PCDHGA11: variants seen among roughly 807,000 people sequenced by gnomAD.
PCDHGA11 encodes the protein protocadherin gamma-A11.
A neutral mutation model predicts 60.4 loss-of-function variants in PCDHGA11; 39 were observed. The observed-to-expected ratio is 0.65, with a 90% CI of 0.50 to 0.84. The LOEUF is 0.84. PCDHGA11 is among the 40% of genes least tolerant of loss of function. The pLI is 0.00. For missense variants in PCDHGA11, 1,165 were observed against 1,197.7 expected (o/e 0.97, Z 0.40); for synonymous variants, 533 against 510.3 (o/e 1.04, Z -0.60).
At chr5:141,484,876 A>C in intron 1 of PCDHGA11, 1 of 315,240 alleles carries the variant, frequency 3.2e-6, no homozygotes, top group Non-Finnish European at 5.8e-6. Flanking sequence ...CGTGGAGGAT[A>C]GGGTGGGCTT....
At position 141,421,681 on chromosome 5, in the gene PCDHGA11, C is replaced by T. The variant is rs750692137; in HGVS notation, c.454C>T (p.Arg152Ter). 4 of 1,613,858 alleles carry T rather than the reference C, an allele frequency of 2.5e-6. No homozygotes were observed. In the South Asian group the frequency reaches 4.4e-5, roughly 18 times the overall value. Reference sequence around the variant, plus strand: ...CAGTGAGCACGCAATTCCTGGGGCGCGATTTGCTCTTCCTAATGCTAGGGA... The same window carrying T: ...CAGTGAGCACGCAATTCCTGGGGCGTGATTTGCTCTTCCTAATGCTAGGGA... Reference protein sequence around the residue: ...KVSEHAIPGARFALPNARDPD... With the variant: ...KVSEHAIPGA The change falls in exon 1 of 4, where the codon CGA becomes TGA. Residue 152 changes from arginine to a stop codon, truncating the protein, a stop_gained. Coordinates refer to ENST00000398587, the MANE Select transcript of PCDHGA11 (RefSeq NM_018914.3). LOFTEE classifies it high-confidence loss of function.
intron 1 of PCDHGA11, chr5:141,426,906 C>T (rs2096969568): frequency 4.4e-6 from 2 of 456,654 alleles, no homozygotes; most frequent in Admixed American, 2.3e-5. Context: ...CTCTCATCTC[C>T]TGGTCCTGGA....
chr5:141,505,190 G>A (rs1326515866), intron 2 of PCDHGA11, among the ~76,000 whole-genome samples: 1 of 152,186 alleles, frequency 6.6e-6, no homozygotes, highest in East Asian at 1.9e-4. Flanking sequence ...ATCGGAGGCA[G>A]CAAAGAGCTG....
chr5:141,506,870 G>A (rs2099856877), intron 3 of PCDHGA11, among the ~76,000 whole-genome samples: 1 of 152,166 alleles, frequency 6.6e-6, no homozygotes, highest in East Asian at 1.9e-4. Flanking sequence ...GGTGGGTAGA[G>A]AACCAGGTGA....
In PCDHGA11 at chr5:141,472,878, C is replaced by T. The variant is rs774209715; in HGVS notation, c.2434-21929C>T. ...GCACATGCCTGTATTCCCAGCTACT[C>T]GGGAGGCTGAGGCAGGAGAATTGCT... On this transcript the variant is annotated intron_variant, in intron 1 of 3. Transcript: ENST00000398587. 6.8e-5 allele frequency among the ~76,000 whole-genome samples: 10 copies of T among 146,132 alleles called. 1 individual carries two copies. The highest frequency in any genetic ancestry group is 4.2e-4 in the East Asian group (2 of 4,758).
In PCDHGA11 at chr5:141,432,002, G is replaced by T; in HGVS notation, c.2433+8342G>T. The T allele has an allele frequency of 6.2e-7, 1 of 1,614,186 alleles. No homozygotes were observed. The highest frequency in any genetic ancestry group is 1.1e-5 in the South Asian group (1 of 91,090). ...AGACATAGTCTTGGATAGGGAACAGGTTCCTAGCTACAACATCACAGTGAC... is the reference window on the plus strand; with the variant it reads ...AGACATAGTCTTGGATAGGGAACAGTTTCCTAGCTACAACATCACAGTGAC... On this transcript the variant is annotated intron_variant, in intron 1 of 3. Coordinates refer to ENST00000398587, the MANE Select transcript of PCDHGA11 (RefSeq NM_018914.3). The surrounding 1 kb of genome is among the most constrained non-coding windows in gnomAD (Gnocchi z 6.0).
chr5:141,421,088 C>A lies in PCDHGA11; in HGVS notation c.-140C>A. 3.0e-6 allele frequency: 2 copies of A among 659,434 alleles called. No individual in the cohort carries two copies. The highest frequency in any genetic ancestry group is 4.0e-5 in the South Asian group (2 of 49,746). The allele number at this position is 659,434 out of a possible 1,614,324, so 40.8% of individuals were successfully genotyped here. On this transcript the variant is annotated 5_prime_UTR_variant, in exon 1 of 4. It adds an upstream start codon to the 5' untranslated region. Transcript: ENST00000398587. ...GGAATGAGATGGATACTCACAGATC[C>A]TGACACTGGAGACTTAGAAGTATTT...
At position 141,431,052 on chromosome 5, in the gene PCDHGA11, G is replaced by A. The variant is rs148326556; in HGVS notation, c.2433+7392G>A. On this transcript the variant is annotated intron_variant, in intron 1 of 3. Transcript: ENST00000398587. The surrounding 1 kb of genome is among the most constrained non-coding windows in gnomAD (Gnocchi z 4.8). Reference sequence around the variant, plus strand: ...ATAGACCGGGAGGAGCTCTGTATGGGGGCCATCAAGTGTCAATTAAATCTA... The same window carrying A: ...ATAGACCGGGAGGAGCTCTGTATGGAGGCCATCAAGTGTCAATTAAATCTA... 2 of 1,614,228 alleles carry A rather than the reference G, an allele frequency of 1.2e-6. No individual in the cohort carries two copies. The highest frequency in any genetic ancestry group is 1.7e-6 in the Non-Finnish European group (2 of 1,180,044).
intron 3 of PCDHGA11, 96 bp downstream of exon 3, chr5:141,505,577 G>C: frequency 2.5e-6 from 4 of 1,589,854 alleles, no homozygotes; most frequent in Non-Finnish European, 3.4e-6. Flanking sequence ...TGTCAAACCT[G>C]TGTAGTTTCT....
In PCDHGA11 at chr5:141,450,548, G is replaced by A. The variant is rs186010209; in HGVS notation, c.2433+26888G>A. 3.3e-4 allele frequency among the ~76,000 whole-genome samples: 50 copies of A among 151,716 alleles called. 1 individual carries two copies. Among genetic ancestry groups the A allele is most frequent in the African/African-American group, 9.9e-4 (41 of 41,366 alleles). On this transcript the variant is annotated intron_variant, in intron 1 of 3. Transcript: ENST00000398587. ...GTCACCCAGGCTGGAATGCAGTGGC[G>A]CAGTCTCGGCTCACTGCAACTTCTG... is the stretch of plus-strand genomic sequence containing the variant.
chr5:141,472,751 G>A (rs1000022316), intron 1 of PCDHGA11, among the ~76,000 whole-genome samples: 5 of 151,850 alleles, frequency 3.3e-5, no homozygotes, highest in East Asian at 3.9e-4. Flanking sequence ...TTTGGGAGGC[G>A]GAGGCTGGCA....
chr5:141,439,443 G>A (rs867907022), intron 1 of PCDHGA11, among the ~76,000 whole-genome samples: 1 of 152,164 alleles, frequency 6.6e-6, no homozygotes, highest in Non-Finnish European at 1.5e-5. Flanking sequence ...ATATTTTATT[G>A]CGGGAGCAAG....
Position 141,422,827 on chromosome 5 carries a change from A to T in PCDHGA11, c.1600A>T (p.Ile534Leu). Residue 534 changes from isoleucine to leucine, a missense_variant, in exon 1 of 4, where the codon ATA becomes TTA. Ile to Leu is a conservative substitution (Grantham distance 5). Coordinates refer to ENST00000398587, the MANE Select transcript of PCDHGA11 (RefSeq NM_018914.3). ...GTTTCGAGACTTAGAACTGAGAGTG[A>T]TAGCACGTGACAGCGGGGACCCGCC... The part of the protein sequence containing the change: ...EQFRDLELRV[I>L]ARDSGDPPLS... The T allele has an allele frequency of 6.2e-7, 1 of 1,614,208 alleles. No individual in the cohort carries two copies. The highest frequency in any genetic ancestry group is 8.5e-7 in the Non-Finnish European group (1 of 1,180,036).
At position 141,511,032 on chromosome 5, in the gene PCDHGA11, G is replaced by T. The variant is rs779589499; in HGVS notation, c.2667G>T (p.Gln889His). 6.2e-7 allele frequency: 1 copy of T among 1,614,228 alleles called. No individual in the cohort carries two copies. Among genetic ancestry groups the T allele is most frequent in the South Asian group, 1.1e-5 (1 of 91,090 alleles). ...GCTACGGACCCCAGTTCACCCTGCAGCACGTGCCCGACTACCGCCAGAATG... is the reference window on the plus strand; with the variant it reads ...GCTACGGACCCCAGTTCACCCTGCATCACGTGCCCGACTACCGCCAGAATG... ...SARYGPQFTLQHVPDYRQNVY... is the reference protein window; with the variant it reads ...SARYGPQFTLHHVPDYRQNVY... Residue 889 changes from glutamine (Q) to histidine (H), a missense_variant, in exon 4 of 4, where the codon CAG (glutamine) becomes CAT (histidine). Gln to His is a conservative substitution (Grantham distance 24, BLOSUM62 0). Coordinates refer to ENST00000398587, the MANE Select transcript of PCDHGA11 (RefSeq NM_018914.3).
chr5:141,446,797 A>G lies in PCDHGA11; in HGVS notation c.2433+23137A>G, dbSNP rs559881142. ...CCATTCTTTTACTCTGAGTTCTTCC[A>G]TTGTGATCATCTAGTCAGATGGGTA... is the stretch of plus-strand genomic sequence containing the variant. On this transcript the variant is annotated intron_variant, in intron 1 of 3. Coordinates refer to ENST00000398587, the MANE Select transcript of PCDHGA11 (RefSeq NM_018914.3). Among the ~76,000 whole-genome samples, 48 of 152,224 alleles carry G rather than the reference A, an allele frequency of 3.2e-4. No individual in the cohort carries two copies. In the South Asian group the frequency reaches 7.3e-3, roughly 23 times the overall value.
intron 1 of PCDHGA11, among the ~76,000 whole-genome samples, chr5:141,482,356 G>A (rs1330274684): frequency 6.6e-6 from 1 of 152,118 alleles, no homozygotes; most frequent in Non-Finnish European, 1.5e-5. Flanking sequence ...TGTTGTGAGA[G>A]TGAAAAGTAA....
chr5:141,443,478 C>T (rs2098390426), intron 1 of PCDHGA11, among the ~76,000 whole-genome samples: 1 of 152,052 alleles, frequency 6.6e-6, no homozygotes, highest in East Asian at 1.9e-4. Context: ...AGAATTAGAC[C>T]CTGTCCCAAA....
chr5:141,455,587 T>C (rs1383947901), intron 1 of PCDHGA11, among the ~76,000 whole-genome samples: 1 of 152,162 alleles, frequency 6.6e-6, no homozygotes, highest in African/African-American at 2.4e-5. Flanking sequence ...CCTTTTAATA[T>C]GCAAACGTAG....
At chr5:141,438,362 T>C (rs1471364176) in intron 1 of PCDHGA11, among the ~76,000 whole-genome samples, 1 of 151,850 alleles carries the variant, frequency 6.6e-6, no homozygotes, top group East Asian at 1.9e-4. Flanking sequence ...TGTATTGTCA[T>C]TGAGGGCAGA....
Sources: allele counts gnomAD v4.1 joint callset (sites outside exome capture counted in the v4.1 genomes callset), GRCh38; gene constraint gnomAD v4.1.1; non-coding constraint Gnocchi (gnomAD v3.1); transcripts MANE v1.5; gene names NCBI Gene and HGNC (gene_info 2026-07-23, HGNC 2026-07-21).